Variants in MAP3K14 observed in about 807,000 individuals in gnomAD.
MAP3K14 encodes the protein mitogen-activated protein kinase kinase kinase 14.
MAP3K14 carries 16 observed loss-of-function variants against 99.2 expected under a neutral mutation model. That is an observed-to-expected ratio of 0.16 (90% CI 0.11 to 0.24). The LOEUF (loss-of-function observed/expected upper bound fraction) is 0.24, where lower values mean the gene tolerates loss of function less well. MAP3K14 is among the 10% of genes least tolerant of loss of function. The probability of loss-of-function intolerance (pLI) is 1.00; values close to 1 mark genes in which losing one functional copy is unlikely to be tolerated. For synonymous variants in MAP3K14, 462 were observed against 492.4 expected, an observed-to-expected ratio of 0.94 and a Z score of 0.82; for missense variants, 784 against 1,208.7, an observed-to-expected ratio of 0.65 and a Z score of 5.21.
intron 1 of MAP3K14, among the ~76,000 whole-genome samples, chr17:45,293,406 T>C (rs558213289): frequency 9.9e-5 from 15 of 152,174 alleles, no homozygotes; most frequent in Non-Finnish European, 2.2e-4. Flanking sequence ...TCCTTTCATA[T>C]TGGTGTTAGG....
intron 6 of MAP3K14, among the ~76,000 whole-genome samples, chr17:45,276,887 G>C (rs1195072153): frequency 8.1e-6 from 1 of 123,402 alleles, no homozygotes; most frequent in Non-Finnish European, 1.6e-5. Flanking sequence ...GAGTGCAGTG[G>C]TGTGATATCT....
intron 1 of MAP3K14, among the ~76,000 whole-genome samples, chr17:45,293,526 G>A (rs568968618): frequency 1.2e-4 from 18 of 152,316 alleles, no homozygotes; most frequent in African/African-American, 4.3e-4. Flanking sequence ...GCAGTTCCCC[G>A]ATGACTCATC....
intron 9 of MAP3K14, among the ~76,000 whole-genome samples, chr17:45,271,953 G>A (rs189829730): frequency 3.9e-5 from 6 of 152,280 alleles, no homozygotes; most frequent in African/African-American, 1.4e-4. Flanking sequence ...AAGGATAGAT[G>A]GCAGATGTGA....
At chr17:45,282,756 T>C (rs749938287) in intron 6 of MAP3K14, among the ~76,000 whole-genome samples, 1 of 152,238 alleles carries the variant, frequency 6.6e-6, no homozygotes, top group East Asian at 1.9e-4. Flanking sequence ...TCTGATCCGA[T>C]GTGCAGCCTG....
At chr17:45,305,375 C>T (rs1009093892) in intron 1 of MAP3K14, among the ~76,000 whole-genome samples, 4 of 144,636 alleles carry the variant, frequency 2.8e-5, no homozygotes, top group Non-Finnish European at 6.0e-5. Context: ...GGATTACAGG[C>T]GTGAGCCACA....
At chr17:45,268,120 A>G (rs1419361890) in intron 11 of MAP3K14, 1 of 235,548 alleles carries the variant, frequency 4.2e-6, no homozygotes, top group African/African-American at 2.4e-5. Flanking sequence ...GCTCCCAGGC[A>G]AAGTGGCATC....
At chr17:45,288,386 T>G (rs1004105459) in intron 3 of MAP3K14, among the ~76,000 whole-genome samples, 22 of 151,030 alleles carry the variant, frequency 1.5e-4, no homozygotes, top group African/African-American at 3.7e-4. Context: ...CTTGTTTTTT[T>G]TTTTTTTTTT....
chr17:45,276,828 T>C (rs1312891677), intron 6 of MAP3K14, among the ~76,000 whole-genome samples: 1 of 131,466 alleles, frequency 7.6e-6, no homozygotes. Context: ...GACTTCTTTT[T>C]TTTTTTTTTT....
intron 1 of MAP3K14, among the ~76,000 whole-genome samples, chr17:45,297,373 T>C (rs922083623): frequency 2.6e-5 from 4 of 152,228 alleles, no homozygotes; most frequent in African/African-American, 9.6e-5. Flanking sequence ...CCCTTACTGA[T>C]GAGGGGTCTT....
intron 1 of MAP3K14, among the ~76,000 whole-genome samples, chr17:45,315,853 C>T (rs2044526946): frequency 6.6e-6 from 1 of 152,168 alleles, no homozygotes; most frequent in East Asian, 1.9e-4. Flanking sequence ...GAAAACGGAG[C>T]TCACAGGTAT....
chr17:45,294,965 C>T (rs1309287506), intron 1 of MAP3K14, among the ~76,000 whole-genome samples: 2 of 152,200 alleles, frequency 1.3e-5, no homozygotes, highest in Non-Finnish European at 2.9e-5. Context: ...TTGGACAGTG[C>T]TGTTCTGAGG....
chr17:45,306,758 T>C (rs2044433641), intron 1 of MAP3K14, among the ~76,000 whole-genome samples: 1 of 152,198 alleles, frequency 6.6e-6, no homozygotes, highest in African/African-American at 2.4e-5. Flanking sequence ...AGTATTACAA[T>C]GGTATTTTCA....
chr17:45,290,353 A>G, intron 2 of MAP3K14, 137 bp downstream of exon 2: 1 of 1,115,780 alleles, frequency 9.0e-7, no homozygotes, highest in Non-Finnish European at 1.3e-6. Context: ...CTCGGCACAG[A>G]CCTCTGGTTG....
chr17:45,281,138 C>T (rs1480747954), intron 6 of MAP3K14, among the ~76,000 whole-genome samples: 1 of 151,946 alleles, frequency 6.6e-6, no homozygotes, highest in African/African-American at 2.4e-5. Context: ...ACTCTGTTGT[C>T]CAGGCTGGAG....
intron 10 of MAP3K14, 164 bp from the exon 11 acceptor site, chr17:45,270,727 A>G: frequency 9.5e-7 from 1 of 1,051,116 alleles, no homozygotes; most frequent in South Asian, 1.7e-5. Context: ...TTTTCCCAGG[A>G]AAGGGACAAA....
At chr17:45,312,653 C>T (rs1208491139) in intron 1 of MAP3K14, among the ~76,000 whole-genome samples, 4 of 152,168 alleles carry the variant, frequency 2.6e-5, no homozygotes, top group African/African-American at 9.7e-5. Flanking sequence ...GTGATCCTCC[C>T]GCCTCAGCCT....
chr17:45,266,761 A>T, intron 13 of MAP3K14, 80 bp from the exon 14 acceptor site: 1 of 1,457,438 alleles, frequency 6.9e-7, no homozygotes, highest in East Asian at 2.4e-5. Context: ...TTTGGGGAAA[A>T]GGGGCACTGC....
At chr17:45,273,445 G>A in intron 9 of MAP3K14, 58 bp downstream of exon 9, 2 of 1,319,498 alleles carry the variant, frequency 1.5e-6, no homozygotes, top group Admixed American at 1.9e-5. Flanking sequence ...TGGAAAGCAT[G>A]GAAGGCATTT....
chr17:45,305,282 G>C (rs185271194), intron 1 of MAP3K14, among the ~76,000 whole-genome samples: 1 of 152,010 alleles, frequency 6.6e-6, no homozygotes, highest in Non-Finnish European at 1.5e-5. Flanking sequence ...ATTTTTAGTA[G>C]AGACAGGATT....
Sources: allele counts gnomAD v4.1 joint callset (sites outside exome capture counted in the v4.1 genomes callset), GRCh38; gene constraint gnomAD v4.1.1; transcripts MANE v1.5; gene names NCBI Gene and HGNC (gene_info 2026-07-23, HGNC 2026-07-21).